The following ANKIB1 variants were observed in gnomAD, a reference collection of about 807,000 sequenced individuals.
ANKIB1 encodes ankyrin repeat and IBR domain containing 1.
In ANKIB1, 43 loss-of-function variants were observed where a neutral mutation model predicts 122.1. The ratio of observed to expected loss-of-function variants is 0.35; its 90% CI spans 0.28 to 0.45. The LOEUF is 0.45. Ranked by LOEUF, ANKIB1 falls within the 20% of genes least tolerant of loss-of-function variation. The pLI, the probability that ANKIB1 is intolerant of heterozygous loss-of-function variation, is 1.00. For missense variants in ANKIB1, 992 were observed against 1,329.5 expected, an observed-to-expected ratio of 0.75 and a Z score of 3.95; for synonymous variants, 390 against 442.0, an observed-to-expected ratio of 0.88 and a Z score of 1.48.
At chr7:92,341,507 C>A (rs76631110) in intron 5 of ANKIB1, among the ~76,000 whole-genome samples, 15,557 of 148,702 alleles carry the variant, frequency 0.1, 980 homozygotes, top group East Asian at 0.36. Flanking sequence ...AAAAAAAAAA[C>A]TGTAAACAAA....
At chr7:92,336,172 T>C (rs2131967084) in intron 5 of ANKIB1, among the ~76,000 whole-genome samples, 1 of 152,202 alleles carries the variant, frequency 6.6e-6, no homozygotes, top group East Asian at 1.9e-4. Context: ...AAACTATCTT[T>C]TTTCTCTGTT....
At chr7:92,251,440 T>C (rs997083947) in intron 1 of ANKIB1, among the ~76,000 whole-genome samples, 3 of 152,208 alleles carry the variant, frequency 2.0e-5, no homozygotes, top group Admixed American at 1.3e-4. Context: ...CAATAGGTGA[T>C]TCACATTTGC....
intron 7 of ANKIB1, among the ~76,000 whole-genome samples, chr7:92,346,968 A>G (rs1803554708): frequency 6.6e-6 from 1 of 152,216 alleles, no homozygotes; most frequent in Non-Finnish European, 1.5e-5. Flanking sequence ...AATTTTGTCA[A>G]ATCAAGCACC....
chr7:92,283,905 A>G (rs1013216153), intron 1 of ANKIB1, among the ~76,000 whole-genome samples: 36 of 151,904 alleles, frequency 2.4e-4, no homozygotes, highest in African/African-American at 8.2e-4. Context: ...TGAGTAGCTG[A>G]GACTATAGGC....
chr7:92,280,963 A>G (rs1802002002), intron 1 of ANKIB1, among the ~76,000 whole-genome samples: 1 of 152,172 alleles, frequency 6.6e-6, no homozygotes, highest in African/African-American at 2.4e-5. Flanking sequence ...AGACCCTGCC[A>G]GGTTCAGTGA....
intron 2 of ANKIB1, among the ~76,000 whole-genome samples, chr7:92,301,357 CTT>C (rs369617319): frequency 6.9e-6 from 1 of 145,798 alleles, no homozygotes; most frequent in African/African-American, 2.5e-5. Context: ...CATCACTTAC[CTT>C]TTTTTTTTTG....
intron 2 of ANKIB1, 39 bp from the exon 3 acceptor site, chr7:92,307,320 G>T (rs1277360588): frequency 6.5e-7 from 1 of 1,544,708 alleles, no homozygotes; most frequent in Non-Finnish European, 8.8e-7. Context: ...GAAAATAAGT[G>T]ATTTTCATCC....
intron 1 of ANKIB1, among the ~76,000 whole-genome samples, chr7:92,279,219 T>C (rs1045724493): frequency 6.6e-6 from 1 of 152,214 alleles, no homozygotes; most frequent in African/African-American, 2.4e-5. Context: ...CCTCGTGCTG[T>C]GTGGCCTGGT....
At chr7:92,308,137 T>G (rs941798734) in intron 3 of ANKIB1, among the ~76,000 whole-genome samples, 2 of 152,146 alleles carry the variant, frequency 1.3e-5, no homozygotes, top group Admixed American at 1.3e-4. Flanking sequence ...CCCAAAGTGC[T>G]GGGATTACAG....
chr7:92,315,119 ATAAT>A (rs1169360284), intron 3 of ANKIB1, among the ~76,000 whole-genome samples: 7 of 152,188 alleles, frequency 4.6e-5, no homozygotes, highest in South Asian at 2.1e-4. Context: ...TATCACATCT[ATAAT>A]TAGAGTAAAA....
chr7:92,300,702 G>A (rs1232037400), intron 2 of ANKIB1, among the ~76,000 whole-genome samples: 1 of 151,950 alleles, frequency 6.6e-6, no homozygotes, highest in Non-Finnish European at 1.5e-5. Flanking sequence ...GTTTTTCTGT[G>A]TGGCGAAAAT....
At chr7:92,317,428 G>A (rs985669944) in intron 3 of ANKIB1, among the ~76,000 whole-genome samples, 13 of 152,170 alleles carry the variant, frequency 8.5e-5, no homozygotes, top group African/African-American at 2.7e-4. Flanking sequence ...AATAGCAGCT[G>A]CTAAGACCTT....
At chr7:92,396,029 C>A in intron 17 of ANKIB1, 1 of 231,930 alleles carries the variant, frequency 4.3e-6, no homozygotes, top group Non-Finnish European at 8.3e-6. Context: ...CAAGGAAAGC[C>A]TTACTTAAAT....
At chr7:92,287,009 C>T (rs1285803038) in intron 1 of ANKIB1, among the ~76,000 whole-genome samples, 1 of 152,184 alleles carries the variant, frequency 6.6e-6, no homozygotes, top group Admixed American at 6.5e-5. Flanking sequence ...CTATTCATGC[C>T]TTCCTACAGT....
intron 10 of ANKIB1, among the ~76,000 whole-genome samples, chr7:92,365,506 A>C (rs762865026): frequency 4.6e-5 from 7 of 152,234 alleles, no homozygotes; most frequent in Non-Finnish European, 8.8e-5. Context: ...CAGGAGTCCA[A>C]ATCAAGCATT....
intron 1 of ANKIB1, among the ~76,000 whole-genome samples, chr7:92,260,309 C>T (rs1801538209): frequency 6.6e-6 from 1 of 152,140 alleles, no homozygotes; most frequent in African/African-American, 2.4e-5. Flanking sequence ...CATGCACTGG[C>T]TATTTCCTCT....
chr7:92,248,492 G>A (rs190009321), intron 1 of ANKIB1, among the ~76,000 whole-genome samples: 147 of 152,124 alleles, frequency 9.7e-4, no homozygotes, highest in Non-Finnish European at 1.9e-3. Flanking sequence ...ATAAAAGTGC[G>A]AGCTCATTTT....
intron 1 of ANKIB1, among the ~76,000 whole-genome samples, chr7:92,271,868 A>G (rs1801801651): frequency 6.6e-6 from 1 of 152,202 alleles, no homozygotes; most frequent in Non-Finnish European, 1.5e-5. Context: ...AAAAAAGTAG[A>G]GCAGGGAAAT....
At chr7:92,247,307 GTTC>G (rs1337305152) in intron 1 of ANKIB1, among the ~76,000 whole-genome samples, 1 of 152,142 alleles carries the variant, frequency 6.6e-6, no homozygotes, top group Non-Finnish European at 1.5e-5. Context: ...TTTTCATCTA[GTTC>G]TTAATTTGTG....
Sources: gnomAD v4.1 joint callset for allele counts (sites outside exome capture counted in the v4.1 genomes callset) on GRCh38, gnomAD v4.1.1 for gene constraint, MANE v1.5 for transcripts, NCBI Gene and HGNC (gene_info 2026-07-23, HGNC 2026-07-21) for gene names.